LLGL2: variants seen among roughly 807,000 people sequenced by gnomAD.
LLGL2 encodes the protein LLGL2, scribble cell polarity complex component.
LLGL2 carries 81 observed loss-of-function variants against 123.2 expected under a neutral mutation model. That is an observed-to-expected ratio of 0.66 (90% CI 0.55 to 0.79). LLGL2 has a LOEUF of 0.79. Ranked by LOEUF, LLGL2 falls within the 30% of genes least tolerant of loss-of-function variation. LLGL2 has a pLI of 0.00. For synonymous variants in LLGL2, 577 were observed against 594.1 expected, an observed-to-expected ratio of 0.97 and a Z score of 0.42; for missense variants, 1,273 against 1,414.6, an observed-to-expected ratio of 0.90 and a Z score of 1.61.
At position 75,558,674 on chromosome 17, in the gene LLGL2, C is replaced by T; in HGVS notation, c.371+47C>T. ...CCTTCCACTCCCAGCCCAGCCTGAC[C>T]CTTGCCCTTAGCTCTGGAGTGGACT... On this transcript the variant is annotated intron_variant, in intron 5 of 25. Coordinates refer to ENST00000392550, the MANE Select transcript of LLGL2 (RefSeq NM_001031803.2). The surrounding 1 kb of genome is among the most constrained non-coding windows in gnomAD (Gnocchi z 4.0). The T allele has an allele frequency of 6.8e-7, 1 of 1,462,048 alleles. No individual in the cohort carries two copies. The highest frequency in any genetic ancestry group is 9.4e-7 in the Non-Finnish European group (1 of 1,066,476). The allele number at this position is 1,462,048 out of a possible 1,614,324, so 90.6% of individuals were successfully genotyped here.
Position 75,564,474 on chromosome 17 carries a change from T to C in LLGL2, c.1003T>C (p.Phe335Leu). 1 of 1,613,292 alleles carries C rather than the reference T, an allele frequency of 6.2e-7. No individual in the cohort carries two copies. Among genetic ancestry groups the C allele is most frequent in the South Asian group, 1.1e-5 (1 of 91,086 alleles). ...AFDFTSRVIGFTVLTEADPAA... is the reference protein window; with the variant it reads ...AFDFTSRVIGLTVLTEADPAA... ...CGACTTCACCTCCCGTGTCATCGGC[T>C]TCACTGTCCTCACAGAGGCAGACCC... The change falls in exon 10 of 26, where the codon TTC becomes CTC. Residue 335 changes from phenylalanine to leucine, a missense_variant. By Grantham distance (22) the Phe-to-Leu change is conservative. Transcript: ENST00000392550. This position sits in a 1 kb window ranked among gnomAD's most constrained non-coding sequence, Gnocchi z 4.9.
chr17:75,560,091 A>G lies in LLGL2; in HGVS notation c.530+681A>G, dbSNP rs2055133326. Among the ~76,000 whole-genome samples the G allele has an allele frequency of 3.9e-5, 6 of 152,058 alleles. No homozygotes were observed. In the South Asian group the frequency reaches 1.2e-3, roughly 31 times the overall value. On this transcript the variant is annotated intron_variant, in intron 6 of 25. Coordinates refer to ENST00000392550, the MANE Select transcript of LLGL2 (RefSeq NM_001031803.2). ...GGCCCCTGGCCCTGCAAGGCTTTGGACTGGGCCTGGGACACACTCCTGCAG... is the reference window on the plus strand; with the variant it reads ...GGCCCCTGGCCCTGCAAGGCTTTGGGCTGGGCCTGGGACACACTCCTGCAG...
In LLGL2 at chr17:75,558,668, C is replaced by G; in HGVS notation, c.371+41C>G. ...CCAGCCCCTTCCACTCCCAGCCCAG[C>G]CTGACCCTTGCCCTTAGCTCTGGAG... is the stretch of plus-strand genomic sequence containing the variant. On this transcript the variant is annotated intron_variant, in intron 5 of 25. Coordinates refer to ENST00000392550, the MANE Select transcript of LLGL2 (RefSeq NM_001031803.2). The surrounding 1 kb of genome is among the most constrained non-coding windows in gnomAD (Gnocchi z 4.0). 2 of 1,483,042 alleles carry G rather than the reference C, an allele frequency of 1.3e-6. No individual in the cohort carries two copies. Among genetic ancestry groups the G allele is most frequent in the Non-Finnish European group, 1.8e-6 (2 of 1,084,550 alleles). The allele number at this position is 1,483,042 out of a possible 1,614,324, so 91.9% of individuals were successfully genotyped here.
chr17:75,541,456 G>T (rs58275565), intron 1 of LLGL2, among the ~76,000 whole-genome samples: 3 of 152,204 alleles, frequency 2.0e-5, no homozygotes, highest in African/African-American at 4.8e-5. Context: ...TTTCCCAGCC[G>T]GTGCCTGTTC....
intron 6 of LLGL2, 67 bp from the exon 7 acceptor site, chr17:75,562,949 G>A: frequency 1.3e-6 from 2 of 1,567,758 alleles, no homozygotes; most frequent in Admixed American, 1.7e-5. Context: ...CCCCATGGCT[G>A]TGCCATGCTG....
chr17:75,544,292 C>A lies in LLGL2; in HGVS notation c.75+791C>A, dbSNP rs1319502159. Reference sequence around the variant, plus strand: ...CTGCAGGAACTGGGACACTGTGATCCTCTTCCCCCGGGGAGCCAGGACCCT... The same window carrying A: ...CTGCAGGAACTGGGACACTGTGATCATCTTCCCCCGGGGAGCCAGGACCCT... On this transcript the variant is annotated intron_variant, in intron 2 of 25. Coordinates refer to ENST00000392550, the MANE Select transcript of LLGL2 (RefSeq NM_001031803.2). The surrounding 1 kb of genome is among the most constrained non-coding windows in gnomAD (Gnocchi z 4.2). 1.3e-5 allele frequency among the ~76,000 whole-genome samples: 2 copies of A among 152,186 alleles called. No homozygotes were observed. Among genetic ancestry groups the A allele is most frequent in the African/African-American group, 2.4e-5 (1 of 41,438 alleles).
chr17:75,541,594 G>A (rs562591562), intron 1 of LLGL2, among the ~76,000 whole-genome samples: 80 of 152,206 alleles, frequency 5.3e-4, no homozygotes, highest in African/African-American at 1.8e-3. Flanking sequence ...GGAACATCCC[G>A]GAATGACCCC....
In LLGL2 at chr17:75,569,577, C is replaced by T. The variant is rs573777677; in HGVS notation, c.1581+252C>T. The stretch of plus-strand genomic sequence containing the variant: ...CAGCACTTTGGGAGACCAAGGCAGG[C>T]GGATCACCTGAGGTCAGGAGTTCGA... On this transcript the variant is annotated intron_variant, in intron 14 of 25. Transcript: ENST00000392550. 1.6e-4 allele frequency among the ~76,000 whole-genome samples: 25 copies of T among 152,124 alleles called. No individual in the cohort carries two copies. In the South Asian group the frequency reaches 2.7e-3, roughly 16 times the overall value.
At chr17:75,530,330 G>A (rs1026431119) in intron 1 of LLGL2, among the ~76,000 whole-genome samples, 3 of 152,168 alleles carry the variant, frequency 2.0e-5, no homozygotes, top group East Asian at 1.9e-4. Context: ...GTGAGATCGC[G>A]TCTCTACAAA....
At chr17:75,532,081 T>TACACACACACACACACACACAC (rs1568015954) in intron 1 of LLGL2, among the ~76,000 whole-genome samples, 1 of 29,466 alleles carries the variant, frequency 3.4e-5, no homozygotes, top group Non-Finnish European at 1.3e-4. Context: ...CACACACTTT[T>TACACACACACACACACACACAC]TTTTTTTTTT....
Position 75,564,618 on chromosome 17 carries a change from T to C in LLGL2, c.1036+111T>C. The C allele has an allele frequency of 3.3e-6, 5 of 1,526,718 alleles. No homozygotes were observed. In the South Asian group the frequency reaches 5.0e-5, roughly 15 times the overall value. 94.6% of individuals were successfully genotyped at this position (1,526,718 alleles called of 1,614,324 possible). A position where few individuals can be genotyped will look rare whatever the true frequency, so the allele number is the denominator to read the frequency against. On this transcript the variant is annotated intron_variant, in intron 10 of 25. Transcript: ENST00000392550. This position sits in a 1 kb window ranked among gnomAD's most constrained non-coding sequence, Gnocchi z 4.9. ...TGGCTCCTGCCTGTAACCCCAGTGC[T>C]GTGGGAGGCCAAGGTGGTAGGATCG...
intron 2 of LLGL2, among the ~76,000 whole-genome samples, chr17:75,554,815 G>A (rs2054830503): frequency 6.6e-6 from 1 of 151,648 alleles, no homozygotes; most frequent in Non-Finnish European, 1.5e-5. Context: ...CGTGAACCTG[G>A]GAGGCGGAGC....
At chr17:75,545,254 G>T (rs1384067764) in intron 2 of LLGL2, among the ~76,000 whole-genome samples, 2 of 152,094 alleles carry the variant, frequency 1.3e-5, no homozygotes, top group Non-Finnish European at 2.9e-5. Flanking sequence ...CCCAGGCCTG[G>T]GGGTGGCAGA....
chr17:75,526,361 T>G (rs2053572114), intron 1 of LLGL2, among the ~76,000 whole-genome samples: 1 of 152,204 alleles, frequency 6.6e-6, no homozygotes. Flanking sequence ...CTCCGGCCTT[T>G]CTCCAGCTGG....
At chr17:75,574,829 C>T (rs1253151447) in intron 25 of LLGL2, 42 bp from the exon 26 acceptor site, 1 of 1,611,196 alleles carries the variant, frequency 6.2e-7, no homozygotes, top group South Asian at 1.1e-5. Flanking sequence ...GGCACCCCGT[C>T]CTGCCCAGGG....
In LLGL2 at chr17:75,559,518, TC is replaced by T; in HGVS notation, c.530+110del. The stretch of plus-strand genomic sequence containing the variant: ...GAGCTGTCATTTCTCTGCTGGGAAT[TC>T]CATGGGGCTATAGCAGGGGAGGCTC... On this transcript the variant is annotated intron_variant, in intron 6 of 25. Coordinates refer to ENST00000392550, the MANE Select transcript of LLGL2 (RefSeq NM_001031803.2). This position sits in a 1 kb window ranked among gnomAD's most constrained non-coding sequence, Gnocchi z 4.6. 3.6e-6 allele frequency: 5 copies of T among 1,381,634 alleles called. No homozygotes were observed. 85.6% of individuals were successfully genotyped at this position (1,381,634 alleles called of 1,614,324 possible). A position where few individuals can be genotyped will look rare whatever the true frequency, so the allele number is the denominator to read the frequency against.
intron 3 of LLGL2, 86 bp downstream of exon 3, chr17:75,556,229 T>C (rs2054908689): frequency 2.9e-6 from 3 of 1,023,242 alleles, no homozygotes; most frequent in Middle Eastern, 2.1e-4. Flanking sequence ...TCCTTGCCCG[T>C]GGGCTGTTGG....
Position 75,570,340 on chromosome 17 carries a change from C to T in LLGL2, c.1875-8C>T. 3.7e-6 allele frequency: 6 copies of T among 1,611,466 alleles called. No individual in the cohort carries two copies. The highest frequency in any genetic ancestry group is 1.3e-5 in the African/African-American group (1 of 75,030). On this transcript the variant is annotated splice_polypyrimidine_tract_variant and splice_region_variant and intron_variant, in intron 15 of 25. Coordinates refer to ENST00000392550, the MANE Select transcript of LLGL2 (RefSeq NM_001031803.2). ...CTAGCAGCACTGACAGCCTGCCATC[C>T]CCCCAAGGTGCACACTGCACCCCAG... is the stretch of plus-strand genomic sequence containing the variant.
chr17:75,537,319 A>C (rs2054040822), intron 1 of LLGL2, among the ~76,000 whole-genome samples: 1 of 152,038 alleles, frequency 6.6e-6, no homozygotes, highest in Non-Finnish European at 1.5e-5. Context: ...TTTTATCCTA[A>C]GGTGTGTTTC....
Sources: allele counts gnomAD v4.1 joint callset (sites outside exome capture counted in the v4.1 genomes callset), GRCh38; gene constraint gnomAD v4.1.1; non-coding constraint Gnocchi (gnomAD v3.1); transcripts MANE v1.5; gene names NCBI Gene and HGNC (gene_info 2026-07-23, HGNC 2026-07-21).